The following ZBTB20 variants were observed in gnomAD, a reference collection of about 807,000 sequenced individuals.
ZBTB20 encodes the protein zinc finger and BTB domain-containing protein 20.
In ZBTB20, 9 loss-of-function variants were observed where a neutral mutation model predicts 56.9. The ratio of observed to expected loss-of-function variants is 0.16; its 90% CI spans 0.10 to 0.28. The LOEUF (loss-of-function observed/expected upper bound fraction) is 0.28. Among genes scored for constraint, ZBTB20 ranks in the 10% least tolerant of loss-of-function variants. ZBTB20 has a pLI of 1.00. For synonymous variants in ZBTB20, 417 were observed against 420.7 expected, an observed-to-expected ratio of 0.99 and a Z score of 0.11; for missense variants, 655 against 1,003.0, an observed-to-expected ratio of 0.65 and a Z score of 4.69.
chr3:114,358,710 C>G (rs972316733), intron 10 of ZBTB20, among the ~76,000 whole-genome samples: 1 of 152,084 alleles, frequency 6.6e-6, no homozygotes, highest in African/African-American at 2.4e-5. Context: ...GAATTTTCAC[C>G]AATTCATTAG....
chr3:114,931,700 G>T (rs748305390), intron 3 of ZBTB20, among the ~76,000 whole-genome samples: 1 of 151,456 alleles, frequency 6.6e-6, no homozygotes, highest in Admixed American at 6.6e-5. Flanking sequence ...TGTTGTTTTT[G>T]TGTGTTTTTT....
At chr3:115,131,399 T>C (rs1158412877) in intron 1 of ZBTB20, among the ~76,000 whole-genome samples, 2 of 152,204 alleles carry the variant, frequency 1.3e-5, no homozygotes, top group Non-Finnish European at 2.9e-5. Flanking sequence ...TTCTCACTCA[T>C]AAGAAACTCC....
chr3:114,983,223 T>C (rs1252797119), intron 2 of ZBTB20, among the ~76,000 whole-genome samples: 3 of 152,042 alleles, frequency 2.0e-5, no homozygotes, highest in African/African-American at 7.2e-5. Flanking sequence ...TTCATGTAGC[T>C]GAAATATTTT....
intron 2 of ZBTB20, among the ~76,000 whole-genome samples, chr3:115,053,695 G>C (rs1192842361): frequency 1.3e-5 from 2 of 151,914 alleles, no homozygotes; most frequent in Non-Finnish European, 2.9e-5. Flanking sequence ...TATAATTTAA[G>C]AATTTCCATA....
At chr3:114,873,982 T>G (rs1048860264) in intron 4 of ZBTB20, 26 of 152,240 alleles carry the variant, frequency 1.7e-4, no homozygotes, top group African/African-American at 6.0e-4. Context: ...AAATAACTTA[T>G]GAATACATCC....
intron 3 of ZBTB20, among the ~76,000 whole-genome samples, chr3:114,957,843 T>G (rs1478960082): frequency 6.6e-6 from 1 of 152,240 alleles, no homozygotes; most frequent in South Asian, 2.1e-4. Flanking sequence ...CCAGGATGAA[T>G]GGAGGTCAGC....
At chr3:115,105,820 TTTTGTTTG>T (rs1031611828) in intron 1 of ZBTB20, among the ~76,000 whole-genome samples, 1 of 151,284 alleles carries the variant, frequency 6.6e-6, no homozygotes, top group Non-Finnish European at 1.5e-5. Flanking sequence ...ATTTTGGGGG[TTTTGTTTG>T]TTTGTTTGTT....
At chr3:115,015,326 G>T (rs1197457223) in intron 2 of ZBTB20, among the ~76,000 whole-genome samples, 2 of 151,746 alleles carry the variant, frequency 1.3e-5, no homozygotes, top group African/African-American at 4.8e-5. Flanking sequence ...ACTTTCAAAA[G>T]TTCCAGGGTA....
At chr3:115,062,502 C>T (rs575526566) in intron 2 of ZBTB20, among the ~76,000 whole-genome samples, 19 of 152,180 alleles carry the variant, frequency 1.2e-4, no homozygotes, top group African/African-American at 3.6e-4. Flanking sequence ...TCTAAAAATT[C>T]TCTCAAGGAG....
intron 4 of ZBTB20, among the ~76,000 whole-genome samples, chr3:114,841,414 G>A (rs1048740423): frequency 2.6e-5 from 4 of 152,156 alleles, no homozygotes; most frequent in African/African-American, 9.7e-5. Context: ...ATGCTAGGGG[G>A]AAAGGGGCAT....
intron 4 of ZBTB20, among the ~76,000 whole-genome samples, chr3:114,858,164 T>C (rs1243626518): frequency 2.0e-5 from 3 of 152,216 alleles, no homozygotes. Context: ...ATTAGGCATT[T>C]TTCACTTGCA....
intron 2 of ZBTB20, among the ~76,000 whole-genome samples, chr3:115,069,459 TC>T: frequency 6.6e-6 from 1 of 152,208 alleles, no homozygotes; most frequent in East Asian, 1.9e-4. Flanking sequence ...ACTCTCCATA[TC>T]CCAAGCTTTC....
At chr3:114,932,829 A>T (rs1228476447) in intron 3 of ZBTB20, among the ~76,000 whole-genome samples, 8 of 152,222 alleles carry the variant, frequency 5.3e-5, no homozygotes, top group Admixed American at 4.6e-4. Flanking sequence ...ATCAAGAGGC[A>T]GAGTTTGTTT....
intron 1 of ZBTB20, among the ~76,000 whole-genome samples, chr3:115,097,904 G>T (rs1353125224): frequency 6.6e-6 from 1 of 152,030 alleles, no homozygotes; most frequent in Non-Finnish European, 1.5e-5. Context: ...CCCAGAAAAG[G>T]CCAAGATTAT....
At chr3:114,698,092 C>A (rs1202375005) in intron 5 of ZBTB20, among the ~76,000 whole-genome samples, 1 of 152,056 alleles carries the variant, frequency 6.6e-6, no homozygotes, top group East Asian at 1.9e-4. Context: ...TATCTGTGAT[C>A]ACCATGGATT....
chr3:114,512,601 G>A (rs1175754460), intron 6 of ZBTB20, among the ~76,000 whole-genome samples: 1 of 152,020 alleles, frequency 6.6e-6, no homozygotes, highest in Non-Finnish European at 1.5e-5. Context: ...CTGATCCTTT[G>A]TGAGCTATAC....
At chr3:114,641,545 C>T (rs1252868271) in intron 6 of ZBTB20, among the ~76,000 whole-genome samples, 4 of 151,392 alleles carry the variant, frequency 2.6e-5, no homozygotes, top group South Asian at 2.1e-4. Flanking sequence ...GGAAACGAGG[C>T]GAAAAGTGGC....
chr3:115,112,843 G>C (rs1181030458), intron 1 of ZBTB20, among the ~76,000 whole-genome samples: 1 of 152,092 alleles, frequency 6.6e-6, no homozygotes, highest in Non-Finnish European at 1.5e-5. Context: ...AGAGAGATCT[G>C]TTTTTCATTT....
intron 5 of ZBTB20, among the ~76,000 whole-genome samples, chr3:114,725,101 G>A (rs1014556327): frequency 3.9e-5 from 6 of 152,092 alleles, no homozygotes; most frequent in African/African-American, 9.7e-5. Flanking sequence ...AATTAGCCAA[G>A]CATTTATCCC....
Sources: allele counts gnomAD v4.1 joint callset (sites outside exome capture counted in the v4.1 genomes callset), GRCh38; gene constraint gnomAD v4.1.1; transcripts MANE v1.5; gene names NCBI Gene and HGNC (gene_info 2026-07-23, HGNC 2026-07-21).